Variants in VAT1L observed in about 807,000 individuals in gnomAD.
The protein encoded by VAT1L is putative NADPH-dependent quinone oxidoreductase VAT1L.
A neutral mutation model predicts 44.1 loss-of-function variants in VAT1L; 34 were observed. The ratio of observed to expected loss-of-function variants is 0.77; its 90% CI spans 0.59 to 1.03. VAT1L has a LOEUF of 1.03. Ranked by LOEUF, VAT1L falls within the 50% of genes least tolerant of loss-of-function variation. The pLI, the probability that VAT1L is intolerant of heterozygous loss-of-function variation, is 0.00. For synonymous variants in VAT1L, 253 were observed against 202.2 expected (o/e 1.25, Z -2.13); for missense variants, 615 against 538.8 (o/e 1.14, Z -1.40).
intron 7 of VAT1L, among the ~76,000 whole-genome samples, chr16:77,894,397 G>C (rs145860661): frequency 1.1e-4 from 16 of 152,320 alleles, no homozygotes; most frequent in Admixed American, 1.0e-3. Context: ...TGAATGCAGA[G>C]GTTGGTGAAG....
At chr16:77,912,225 T>G (rs2017506364) in intron 7 of VAT1L, among the ~76,000 whole-genome samples, 2 of 152,200 alleles carry the variant, frequency 1.3e-5, no homozygotes, top group Admixed American at 1.3e-4. Flanking sequence ...CAACATCAGT[T>G]GCCTTATCAG....
At chr16:77,956,037 C>A (rs994265858) in intron 7 of VAT1L, among the ~76,000 whole-genome samples, 5 of 152,018 alleles carry the variant, frequency 3.3e-5, no homozygotes, top group African/African-American at 1.2e-4. Flanking sequence ...CTATAGTCAA[C>A]AGTAATTTAA....
intron 1 of VAT1L, among the ~76,000 whole-genome samples, chr16:77,793,226 C>T (rs1449016589): frequency 6.6e-6 from 1 of 152,142 alleles, no homozygotes; most frequent in Non-Finnish European, 1.5e-5. Flanking sequence ...ATCCTCCTGC[C>T]TTGACTTCCT....
Position 77,879,121 on chromosome 16 carries a change from G to A in VAT1L, c.827-48G>A. ...ATTTTTTTCATGCATAACAAGAGAT[G>A]TCCATTTTCATTAGCAATTGCTTAA... On this transcript the variant is annotated intron_variant, in intron 5 of 8. Coordinates refer to ENST00000302536, the MANE Select transcript of VAT1L (RefSeq NM_020927.3). The surrounding 1 kb of genome is among the most constrained non-coding windows in gnomAD (Gnocchi z 4.1). The A allele has an allele frequency of 6.3e-7, 1 of 1,592,236 alleles. No individual in the cohort carries two copies. Among genetic ancestry groups the A allele is most frequent in the South Asian group, 1.1e-5 (1 of 90,406 alleles).
chr16:77,854,171 T>G (rs1431135968), intron 3 of VAT1L, among the ~76,000 whole-genome samples: 1 of 152,092 alleles, frequency 6.6e-6, no homozygotes, highest in Non-Finnish European at 1.5e-5. Context: ...TTTGAGCAAT[T>G]GAAAAATGCC....
At chr16:77,893,048 T>C in intron 7 of VAT1L, 1 of 537,602 alleles carries the variant, frequency 1.9e-6, no homozygotes. Flanking sequence ...GGGTTCCATG[T>C]TTTCCTTGTT....
At chr16:77,921,518 T>C (rs1191687058) in intron 7 of VAT1L, among the ~76,000 whole-genome samples, 2 of 152,170 alleles carry the variant, frequency 1.3e-5, no homozygotes, top group African/African-American at 2.4e-5. Flanking sequence ...ATTAGTTACA[T>C]TCCTATTTTT....
chr16:77,850,729 G>T (rs2016800711), intron 3 of VAT1L, among the ~76,000 whole-genome samples: 1 of 152,048 alleles, frequency 6.6e-6, no homozygotes, highest in Non-Finnish European at 1.5e-5. Context: ...TTGTAATTTG[G>T]CTGGAAATGA....
intron 1 of VAT1L, among the ~76,000 whole-genome samples, chr16:77,808,464 A>G (rs1342820628): frequency 6.6e-6 from 1 of 151,956 alleles, no homozygotes; most frequent in Non-Finnish European, 1.5e-5. Flanking sequence ...TCATCCCAAA[A>G]CCATCCTCCC....
intron 7 of VAT1L, among the ~76,000 whole-genome samples, chr16:77,968,770 G>A (rs406287): frequency 0.33 from 50,618 of 151,950 alleles, 8,631 homozygotes; most frequent in Middle Eastern, 0.38. Flanking sequence ...GCTCTGCTAC[G>A]AGGGTTTGTG....
intron 3 of VAT1L, among the ~76,000 whole-genome samples, chr16:77,844,231 C>T (rs75818784): frequency 0.038 from 5,839 of 152,200 alleles, 369 homozygotes; most frequent in African/African-American, 0.13. Flanking sequence ...ATACTTGCAT[C>T]TGTACTAAAC....
At chr16:77,913,987 C>G (rs1673323956) in intron 7 of VAT1L, among the ~76,000 whole-genome samples, 1 of 152,128 alleles carries the variant, frequency 6.6e-6, no homozygotes, top group South Asian at 2.1e-4. Context: ...CTTATTTTCT[C>G]AAGCTCTTTG....
At chr16:77,963,149 C>A (rs749541921) in intron 7 of VAT1L, among the ~76,000 whole-genome samples, 1 of 152,140 alleles carries the variant, frequency 6.6e-6, no homozygotes, top group Non-Finnish European at 1.5e-5. Context: ...GAACCTGGGC[C>A]GAGCAGAATA....
intron 2 of VAT1L, among the ~76,000 whole-genome samples, chr16:77,817,964 C>T (rs1344732203): frequency 6.6e-6 from 1 of 152,096 alleles, no homozygotes. Flanking sequence ...TCCACCATAG[C>T]CCTGCAAAGC....
At chr16:77,802,402 G>A (rs781314935) in intron 1 of VAT1L, among the ~76,000 whole-genome samples, 15 of 152,042 alleles carry the variant, frequency 9.9e-5, no homozygotes, top group Non-Finnish European at 4.4e-5. Context: ...GGAGCACAAG[G>A]TCAGGAGTTC....
chr16:77,882,903 A>T (rs1234065448), intron 6 of VAT1L, among the ~76,000 whole-genome samples: 1 of 152,210 alleles, frequency 6.6e-6, no homozygotes, highest in African/African-American at 2.4e-5. Context: ...CTGTGCCACA[A>T]ACCCTTGCCA....
chr16:77,938,416 A>T (rs990441821), intron 7 of VAT1L, among the ~76,000 whole-genome samples: 14 of 152,298 alleles, frequency 9.2e-5, no homozygotes, highest in Middle Eastern at 3.4e-3. Context: ...TTGTTTAAAT[A>T]TGTGTCCTCA....
At chr16:77,925,859 G>T (rs1325872292) in intron 7 of VAT1L, among the ~76,000 whole-genome samples, 1 of 152,084 alleles carries the variant, frequency 6.6e-6, no homozygotes, top group African/African-American at 2.4e-5. Flanking sequence ...CCCTGCTTCT[G>T]GCTTTGAAAG....
chr16:77,904,055 G>C (rs541079227), intron 7 of VAT1L, among the ~76,000 whole-genome samples: 1 of 151,816 alleles, frequency 6.6e-6, no homozygotes, highest in Non-Finnish European at 1.5e-5. Context: ...TACTTTTAAC[G>C]GCAAAAACCA....
Sources: gnomAD v4.1 joint callset for allele counts (sites outside exome capture counted in the v4.1 genomes callset) on GRCh38, gnomAD v4.1.1 for gene constraint, Gnocchi (gnomAD v3.1) non-coding constraint, MANE v1.5 for transcripts, NCBI Gene and HGNC (gene_info 2026-07-23, HGNC 2026-07-21) for gene names.